CACNA1I: variants seen among roughly 807,000 people sequenced by gnomAD.
The protein encoded by CACNA1I is voltage-dependent T-type calcium channel subunit alpha-1I.
A neutral mutation model predicts 201.6 loss-of-function variants in CACNA1I; 74 were observed. The observed-to-expected ratio is 0.37, with a 90% CI of 0.30 to 0.45. The LOEUF is 0.45. CACNA1I is among the 20% of genes least tolerant of loss of function. CACNA1I has a pLI of 1.00. For synonymous variants in CACNA1I, 1,431 were observed against 1,345.2 expected (o/e 1.06, Z -1.40); for missense variants, 2,346 against 3,138.1 (o/e 0.75, Z 6.03).
chr22:39,666,577 G>T lies in CACNA1I; in HGVS notation c.4104+571G>T, dbSNP rs1197194606. 6.6e-6 allele frequency among the ~76,000 whole-genome samples: 1 copy of T among 152,110 alleles called. No homozygotes were observed. Among genetic ancestry groups the T allele is most frequent in the Admixed American group, 6.5e-5 (1 of 15,282 alleles). On this transcript the variant is annotated intron_variant, in intron 23 of 36. Coordinates refer to ENST00000402142, the MANE Select transcript of CACNA1I (RefSeq NM_021096.4). The surrounding 1 kb of genome is among the most constrained non-coding windows in gnomAD (Gnocchi z 4.1). ...GGCCTGCCAGGTGTGACCCATCTGG[G>T]CAGTGCCCCAGGTGAGGGCCCTTGG...
chr22:39,675,270 T>C (rs1935485258), intron 29 of CACNA1I, among the ~76,000 whole-genome samples: 1 of 152,230 alleles, frequency 6.6e-6, no homozygotes, highest in Non-Finnish European at 1.5e-5. Context: ...GGTTAAAGCT[T>C]ATGAAGCACT....
At chr22:39,608,005 A>C (rs1264796736) in intron 3 of CACNA1I, among the ~76,000 whole-genome samples, 1 of 150,804 alleles carries the variant, frequency 6.6e-6, no homozygotes, top group African/African-American at 2.4e-5. Context: ...CTGTAATCCC[A>C]GCGGGAGGCT....
intron 10 of CACNA1I, among the ~76,000 whole-genome samples, chr22:39,657,411 G>T (rs1934857233): frequency 6.6e-6 from 1 of 152,190 alleles, no homozygotes. Context: ...TGCTCTGTGT[G>T]CAGGACTGTG....
chr22:39,636,222 C>A (rs925933757), intron 5 of CACNA1I, among the ~76,000 whole-genome samples: 1 of 152,218 alleles, frequency 6.6e-6, no homozygotes, highest in Admixed American at 6.5e-5. Context: ...CCTCTGTGGT[C>A]TTCCCCAGGC....
chr22:39,610,214 A>G (rs1488941115), intron 3 of CACNA1I, among the ~76,000 whole-genome samples: 1 of 152,140 alleles, frequency 6.6e-6, no homozygotes, highest in Non-Finnish European at 1.5e-5. Flanking sequence ...GCTCAGATGC[A>G]CTGGGTGCTC....
intron 4 of CACNA1I, among the ~76,000 whole-genome samples, chr22:39,631,439 A>T (rs1018445361): frequency 6.6e-6 from 1 of 152,348 alleles, no homozygotes; most frequent in African/African-American, 2.4e-5. Flanking sequence ...GAAAAGGTGC[A>T]CTAAGAACAC....
At position 39,664,731 on chromosome 22, in the gene CACNA1I, C is replaced by T. The variant is rs773368204; in HGVS notation, c.3667-8C>T. 5.2e-6 allele frequency: 8 copies of T among 1,544,270 alleles called. No homozygotes were observed. The highest frequency in any genetic ancestry group is 1.8e-5 in the Admixed American group (1 of 55,216). On this transcript the variant is annotated splice_region_variant and splice_polypyrimidine_tract_variant and intron_variant, in intron 20 of 36. Transcript: ENST00000402142. ...GGCAGCCTGACCCCGGCCCCACCCC[C>T]GCCCCAGGTAGTCTCGCTGGGCCTG...
rs559650235 is a variant in CACNA1I at position 39,626,007 on chromosome 22, G to A, written c.580+6600G>A. Among the ~76,000 whole-genome samples the A allele has an allele frequency of 3.3e-5, 5 of 152,346 alleles. 1 individual carries two copies. Among genetic ancestry groups the A allele is most frequent in the Admixed American group, 3.3e-4 (5 of 15,312 alleles). ...TAGTTCCCCCGACCCAGGCTGTGGC[G>A]CAGGGGCGAGGCAGACCCTGGGGAG... On this transcript the variant is annotated intron_variant, in intron 4 of 36. Coordinates refer to ENST00000402142, the MANE Select transcript of CACNA1I (RefSeq NM_021096.4).
At chr22:39,655,139 C>T (rs907777080) in intron 10 of CACNA1I, among the ~76,000 whole-genome samples, 6 of 152,138 alleles carry the variant, frequency 3.9e-5, no homozygotes, top group Admixed American at 1.3e-4. Flanking sequence ...GGTGATAATA[C>T]AGGGCTTGAG....
intron 10 of CACNA1I, among the ~76,000 whole-genome samples, chr22:39,651,385 G>A (rs2146433130): frequency 6.6e-6 from 1 of 152,314 alleles, no homozygotes; most frequent in South Asian, 2.1e-4. Context: ...GGGGCTCCCG[G>A]GGCTGCCATG....
Position 39,666,404 on chromosome 22 carries a change from C to T in CACNA1I, c.4104+398C>T, listed in dbSNP as rs1935196942. Among the ~76,000 whole-genome samples, 1 of 152,204 alleles carries T rather than the reference C, an allele frequency of 6.6e-6. No individual in the cohort carries two copies. The highest frequency in any genetic ancestry group is 2.4e-5 in the African/African-American group (1 of 41,456). Reference sequence around the variant, plus strand: ...ATCTATGAAATGGGAATGTTATAGCCTGCCAGGCAGGCTGCGGTCGAGATG... The same window carrying T: ...ATCTATGAAATGGGAATGTTATAGCTTGCCAGGCAGGCTGCGGTCGAGATG... On this transcript the variant is annotated intron_variant, in intron 23 of 36. Transcript: ENST00000402142. The surrounding 1 kb of genome is among the most constrained non-coding windows in gnomAD (Gnocchi z 4.1).
intron 1 of CACNA1I, among the ~76,000 whole-genome samples, chr22:39,576,995 A>G (rs1451171226): frequency 6.6e-6 from 1 of 151,912 alleles, no homozygotes; most frequent in African/African-American, 2.4e-5. Context: ...ACTGTCGCCC[A>G]GGCTGGAGTG....
At chr22:39,618,375 G>A (rs1259255994) in intron 3 of CACNA1I, among the ~76,000 whole-genome samples, 3 of 151,532 alleles carry the variant, frequency 2.0e-5, no homozygotes, top group Non-Finnish European at 1.5e-5. Context: ...GTGTGTGACT[G>A]TGTGCATGGG....
chr22:39,651,888 T>C (rs1341515041), intron 10 of CACNA1I, among the ~76,000 whole-genome samples: 1 of 152,172 alleles, frequency 6.6e-6, no homozygotes, highest in Non-Finnish European at 1.5e-5. Flanking sequence ...CCCTGCCTTT[T>C]CACCCACCCC....
chr22:39,577,871 C>T (rs562796671), intron 1 of CACNA1I, among the ~76,000 whole-genome samples: 1 of 152,266 alleles, frequency 6.6e-6, no homozygotes, highest in Non-Finnish European at 1.5e-5. Context: ...GACCAGTGGC[C>T]TTGGCCAAGT....
rs768297571 is a variant in CACNA1I, at chr22:39,598,224, G to A, written c.310G>A (p.Asp104Asn). The A allele has an allele frequency of 5.6e-6, 9 of 1,606,960 alleles. No homozygotes were observed. The highest frequency in any genetic ancestry group is 3.4e-5 in the Admixed American group (2 of 59,402). Residue 104 changes from aspartate to asparagine, a missense_variant, in exon 2 of 37, where the codon GAC (aspartate) becomes AAC (asparagine). Asp to Asn is a conservative substitution (Grantham distance 23, BLOSUM62 1). Around this residue, in one of 13 missense-constraint regions of CACNA1I, gnomAD observed 130 missense variants for 160.7 expected, o/e 0.81. Transcript: ENST00000402142. ...VTLGMYQPCD[D>N]MDCLSDRCKI... ...ACTTGGCATGTACCAGCCGTGCGAC[G>A]ACATGGACTGCCTGTCCGACCGCTG...
At chr22:39,674,085 G>A (rs1935450141) in intron 29 of CACNA1I, 52 bp downstream of exon 29, 2 of 1,552,046 alleles carry the variant, frequency 1.3e-6, no homozygotes, top group Non-Finnish European at 1.8e-6. Flanking sequence ...GTGTCAGGCT[G>A]GGCCCTGGGG....
rs965550775 is a variant in CACNA1I at position 39,627,621 on chromosome 22, G to C, written c.581-6944G>C. Among the ~76,000 whole-genome samples the C allele has an allele frequency of 3.9e-5, 6 of 152,368 alleles. No individual in the cohort carries two copies. The East Asian group carries it at 1.2e-3, about 29-fold the overall frequency. ...GATTCCTTCTTGGAAGGGCCTTGGG[G>C]GGCATTTGTTGGACAGTTCTGAGAG... On this transcript the variant is annotated intron_variant, in intron 4 of 36. Coordinates refer to ENST00000402142, the MANE Select transcript of CACNA1I (RefSeq NM_021096.4).
At chr22:39,585,386 C>CTTTT (rs67733131) in intron 1 of CACNA1I, among the ~76,000 whole-genome samples, 49 of 90,436 alleles carry the variant, frequency 5.4e-4, no homozygotes, top group East Asian at 9.8e-4. Flanking sequence ...TTCTTTCTTT[C>CTTTT]TTTTTTTTTT....
Sources: gnomAD v4.1 joint callset for allele counts (sites outside exome capture counted in the v4.1 genomes callset) on GRCh38, gnomAD v4.1.1 for gene constraint, gnomAD v4.1.1 regional missense constraint, Gnocchi (gnomAD v3.1) non-coding constraint, MANE v1.5 for transcripts, NCBI Gene and HGNC (gene_info 2026-07-23, HGNC 2026-07-21) for gene names.